RICTOR: variants seen among roughly 807,000 people sequenced by gnomAD.
RICTOR encodes rapamycin-insensitive companion of mTOR.
RICTOR carries 49 observed loss-of-function variants against 214.9 expected under a neutral mutation model. That is an observed-to-expected ratio of 0.23 (90% confidence interval 0.18 to 0.29). The LOEUF (loss-of-function observed/expected upper bound fraction) is 0.29. Among genes scored for constraint, RICTOR ranks in the 10% least tolerant of loss-of-function variants. RICTOR has a pLI of 1.00. For synonymous variants in RICTOR, 717 were observed against 711.3 expected (o/e 1.01, Z -0.13); for missense variants, 1,625 against 2,047.0 (o/e 0.79, Z 3.98).
chr5:39,009,528 G>A (rs1754329414), intron 3 of RICTOR, among the ~76,000 whole-genome samples: 2 of 151,950 alleles, frequency 1.3e-5, no homozygotes, highest in Admixed American at 1.3e-4. Flanking sequence ...AACAATTATG[G>A]CAGAAACACA....
intron 31 of RICTOR, among the ~76,000 whole-genome samples, chr5:38,949,054 AGTT>A (rs571082870): frequency 6.6e-6 from 1 of 152,086 alleles, no homozygotes; most frequent in Admixed American, 6.6e-5. Context: ...AACTAAGGAA[AGTT>A]GTTTAGAAGC....
chr5:39,051,787 C>A (rs1757879396), intron 2 of RICTOR, among the ~76,000 whole-genome samples: 1 of 151,860 alleles, frequency 6.6e-6, no homozygotes, highest in Non-Finnish European at 1.5e-5. Flanking sequence ...ATTTTCCCTT[C>A]TACAAACTCA....
intron 2 of RICTOR, among the ~76,000 whole-genome samples, chr5:39,052,357 C>T (rs1237123741): frequency 6.6e-6 from 1 of 152,152 alleles, no homozygotes; most frequent in Non-Finnish European, 1.5e-5. Flanking sequence ...GCCTGGGCAA[C>T]AGAATGAACC....
intron 2 of RICTOR, among the ~76,000 whole-genome samples, chr5:39,047,421 G>C (rs1757569456): frequency 6.6e-6 from 1 of 152,162 alleles, no homozygotes; most frequent in South Asian, 2.1e-4. Flanking sequence ...AGGTGGTAAT[G>C]TATGCTTGCC....
At chr5:39,012,899 A>G (rs964740259) in intron 3 of RICTOR, among the ~76,000 whole-genome samples, 3 of 152,194 alleles carry the variant, frequency 2.0e-5, no homozygotes, top group Non-Finnish European at 4.4e-5. Context: ...CAGAGTTCAT[A>G]TACAAAGATG....
intron 7 of RICTOR, among the ~76,000 whole-genome samples, chr5:38,982,824 T>C (rs556301194): frequency 6.6e-6 from 1 of 151,632 alleles, no homozygotes; most frequent in South Asian, 2.1e-4. Context: ...ATATAAACAG[T>C]TAACAGTTTA....
At chr5:39,066,660 A>G (rs1758925251) in intron 2 of RICTOR, among the ~76,000 whole-genome samples, 1 of 152,172 alleles carries the variant, frequency 6.6e-6, no homozygotes, top group South Asian at 2.1e-4. Context: ...TTGCTCCTAC[A>G]TCTTAGCATG....
At chr5:39,026,628 TCTC>T (rs1293077758) in intron 2 of RICTOR, among the ~76,000 whole-genome samples, 1 of 151,920 alleles carries the variant, frequency 6.6e-6, no homozygotes, top group Non-Finnish European at 1.5e-5. Flanking sequence ...TGATCTGTCT[TCTC>T]CTGTCCTTCC....
At chr5:39,053,368 G>A (rs190907395) in intron 2 of RICTOR, among the ~76,000 whole-genome samples, 1 of 152,090 alleles carries the variant, frequency 6.6e-6, no homozygotes, top group African/African-American at 2.4e-5. Flanking sequence ...ATACTACTCT[G>A]AGGATTATGA....
intron 2 of RICTOR, among the ~76,000 whole-genome samples, chr5:39,053,033 G>C (rs1220862934): frequency 6.6e-6 from 1 of 152,188 alleles, no homozygotes; most frequent in Non-Finnish European, 1.5e-5. Context: ...ATTTGTAAGA[G>C]TATCCAATTG....
chr5:38,955,385 T>C (rs1184896550), intron 26 of RICTOR, among the ~76,000 whole-genome samples: 1 of 151,964 alleles, frequency 6.6e-6, no homozygotes, highest in Non-Finnish European at 1.5e-5. Context: ...GGCCTAGAAA[T>C]ACAGACTGGG....
chr5:39,056,263 G>A (rs1758198819), intron 2 of RICTOR, among the ~76,000 whole-genome samples: 1 of 152,178 alleles, frequency 6.6e-6, no homozygotes, highest in Middle Eastern at 3.4e-3. Flanking sequence ...CAAAGTACTT[G>A]TCTCCTCACA....
chr5:39,004,892 C>T (rs1393945947), intron 3 of RICTOR, among the ~76,000 whole-genome samples: 1 of 151,522 alleles, frequency 6.6e-6, no homozygotes, highest in African/African-American at 2.4e-5. Context: ...AGCGATTCCC[C>T]TGCTTCAGCC....
In RICTOR at chr5:39,001,642, T is replaced by C. The variant is rs561580568; in HGVS notation, c.392+893A>G. Among the ~76,000 whole-genome samples, 324 of 152,182 alleles carry C rather than the reference T, an allele frequency of 2.1e-3. 3 individuals carry two copies. Among genetic ancestry groups the C allele is most frequent in the Admixed American group, 3.7e-3 (56 of 15,276 alleles). On this transcript the variant is annotated intron_variant, in intron 5 of 37. Coordinates refer to ENST00000357387, the MANE Select transcript of RICTOR (RefSeq NM_152756.5). The stretch of plus-strand genomic sequence containing the variant: ...TGAAACAAGACATTTTCAATACATA[T>C]ATCTGTAAAGACTCATATCCAGAAT...
intron 6 of RICTOR, among the ~76,000 whole-genome samples, chr5:38,991,580 G>T (rs1442153693): frequency 6.6e-6 from 1 of 151,812 alleles, no homozygotes; most frequent in Non-Finnish European, 1.5e-5. Flanking sequence ...TCTGACTACT[G>T]CAATAGATAT....
At chr5:39,011,617 GC>G (rs1754527751) in intron 3 of RICTOR, among the ~76,000 whole-genome samples, 1 of 152,224 alleles carries the variant, frequency 6.6e-6, no homozygotes, top group Non-Finnish European at 1.5e-5. Flanking sequence ...AGGTGGAGCT[GC>G]CCAAGGCTGT....
chr5:38,971,943 A>G lies in RICTOR; in HGVS notation c.906T>C (p.Cys302=). The change falls in exon 11 of 38, where the codon TGT becomes TGC. Residue 302 remains cysteine, a synonymous_variant. Transcript: ENST00000357387. ...ACTGGATCCCAGAATTTCCAGGTTT[A>G]CATAAATTAATAATACCTAAAGAGG... ...FRSWAGIINL[C]KPGNSGIQSL... is the part of the protein sequence containing the mutation. 7.0e-7 allele frequency: 1 copy of G among 1,437,514 alleles called. No individual in the cohort carries two copies. Among genetic ancestry groups the G allele is most frequent in the Non-Finnish European group, 9.7e-7 (1 of 1,026,324 alleles). 89.0% of individuals were successfully genotyped at this position (1,437,514 alleles called of 1,614,324 possible). A position where few individuals can be genotyped will look rare whatever the true frequency, so the allele number is the denominator to read the frequency against.
chr5:39,004,483 G>A (rs1280097795), intron 3 of RICTOR, among the ~76,000 whole-genome samples: 4 of 144,832 alleles, frequency 2.8e-5, no homozygotes, highest in Non-Finnish European at 6.0e-5. Context: ...TTTTTGAGAC[G>A]GAGTCTCACT....
At chr5:38,982,723 T>A (rs1460885065) in intron 7 of RICTOR, among the ~76,000 whole-genome samples, 3 of 151,934 alleles carry the variant, frequency 2.0e-5, no homozygotes, top group African/African-American at 7.2e-5. Context: ...CTCTTTCATT[T>A]TTCTCTCCCT....
Sources: gnomAD v4.1 joint callset for allele counts (sites outside exome capture counted in the v4.1 genomes callset) on GRCh38, gnomAD v4.1.1 for gene constraint, MANE v1.5 for transcripts, NCBI Gene and HGNC (gene_info 2026-07-23, HGNC 2026-07-21) for gene names.